Variants in OPA1 observed in about 807,000 individuals in gnomAD.
OPA1 encodes OPA1 mitochondrial dynamin like GTPase.
OPA1 carries 59 observed loss-of-function variants against 152.9 expected under a neutral mutation model. The ratio of observed to expected loss-of-function variants is 0.39; its 90% CI spans 0.31 to 0.48. The LOEUF (loss-of-function observed/expected upper bound fraction) is 0.48, where lower values mean the gene tolerates loss of function less well. Among genes scored for constraint, OPA1 ranks in the 20% least tolerant of loss-of-function variants. OPA1 has a pLI of 0.96. For synonymous variants in OPA1, 400 were observed against 389.9 expected, an observed-to-expected ratio of 1.03 and a Z score of -0.31; for missense variants, 1,008 against 1,216.8, an observed-to-expected ratio of 0.83 and a Z score of 2.55.
intron 6 of OPA1, among the ~76,000 whole-genome samples, chr3:193,621,027 G>A (rs1287591609): frequency 6.6e-6 from 1 of 152,198 alleles, no homozygotes; most frequent in Admixed American, 6.5e-5. Flanking sequence ...TTTTTAACTG[G>A]TTCAGTCTGA....
chr3:193,632,745 C>G (rs896816200), intron 8 of OPA1, among the ~76,000 whole-genome samples: 7 of 152,028 alleles, frequency 4.6e-5, no homozygotes, highest in Non-Finnish European at 8.8e-5. Flanking sequence ...GGTGGTTGTG[C>G]CTGTAGTCCC....
In OPA1 at chr3:193,694,954, C is replaced by G. The variant is rs1722127075; in HGVS notation, c.*354C>G. The G allele has an allele frequency of 6.6e-6, 1 of 152,170 alleles. No homozygotes were observed. Among genetic ancestry groups the G allele is most frequent in the African/African-American group, 2.4e-5 (1 of 41,442 alleles). 9.4% of individuals were successfully genotyped at this position (152,170 alleles called of 1,614,324 possible). On this transcript the variant is annotated 3_prime_UTR_variant, in exon 31 of 31. Transcript: ENST00000361510. ...GGATTAACTGAGGTTGCTCAATGTT[C>G]AGTTTCTTTTCCAGAAATACAATGC...
At chr3:193,609,438 T>C (rs1353965660) in intron 1 of OPA1, among the ~76,000 whole-genome samples, 2 of 152,234 alleles carry the variant, frequency 1.3e-5, no homozygotes, top group Non-Finnish European at 2.9e-5. Flanking sequence ...CCTTTGTGGG[T>C]AACCTGACCT....
At chr3:193,667,111 T>A (rs1716743826) in intron 28 of OPA1, 59 bp from the exon 29 acceptor site, 2 of 817,900 alleles carry the variant, frequency 2.4e-6, no homozygotes, top group Non-Finnish European at 2.2e-6. Flanking sequence ...GTTAATTTTA[T>A]CATCTTTATT....
intron 1 of OPA1, among the ~76,000 whole-genome samples, 162 bp downstream of exon 1, chr3:193,593,571 G>A (rs1029657705): frequency 1.3e-5 from 2 of 152,240 alleles, no homozygotes; most frequent in East Asian, 1.9e-4. Flanking sequence ...CAGGAGCCCT[G>A]GCTGGGCTTA....
At position 193,694,883 on chromosome 3, in the gene OPA1, A is replaced by G. The variant is rs1061648; in HGVS notation, c.*283A>G. On this transcript the variant is annotated 3_prime_UTR_variant, in exon 31 of 31. Coordinates refer to ENST00000361510, the MANE Select transcript of OPA1 (RefSeq NM_130837.3). ...TAGGTTCAGTCCTTGAAGATAAGAA[A>G]CTTGTTCTCTGTTTGTTGTCTTATT... 93,782 of 152,042 alleles carry G rather than the reference A, an allele frequency of 0.62. 29,129 individuals are homozygous for G. The highest frequency in any genetic ancestry group is 0.71 in the East Asian group (3,668 of 5,166). 9.4% of individuals were successfully genotyped at this position (152,042 alleles called of 1,614,324 possible).
intron 7 of OPA1, among the ~76,000 whole-genome samples, chr3:193,629,836 G>A (rs763544790): frequency 6.6e-6 from 1 of 152,016 alleles, no homozygotes; most frequent in Non-Finnish European, 1.5e-5. Flanking sequence ...TATTGCCCCA[G>A]ATGTCAAGTA....
chr3:193,594,488 A>G (rs561877455), intron 1 of OPA1, among the ~76,000 whole-genome samples: 4 of 152,278 alleles, frequency 2.6e-5, no homozygotes, highest in African/African-American at 9.6e-5. Context: ...CCCAGGTTCA[A>G]GCAATTCTCC....
At position 193,643,621 on chromosome 3, in the gene OPA1, A is replaced by G. The variant is rs2109044723; in HGVS notation, c.1471A>G (p.Ile491Val). 6.2e-7 allele frequency: 1 copy of G among 1,610,348 alleles called. No individual in the cohort carries two copies. The highest frequency in any genetic ancestry group is 8.5e-7 in the Non-Finnish European group (1 of 1,176,966). Residue 491 changes from isoleucine to valine, a missense_variant, in exon 15 of 31, where the codon ATT becomes GTT. This residue lies in a region of OPA1 where 213 missense variants were observed against 291.4 expected (regional missense o/e 0.73). Coordinates refer to ENST00000361510, the MANE Select transcript of OPA1 (RefSeq NM_130837.3). ...MQNPNAIILC[I>V]QDGSVDAERS... ...GAATCCTAATGCCATCATACTGTGT[A>G]TTCAAGGTAAATCATATCAAAAGAT...
intron 29 of OPA1, chr3:193,668,768 A>G: frequency 8.1e-7 from 1 of 1,231,260 alleles, no homozygotes. Context: ...GGCCCTACTA[A>G]TAATCACTTT....
At chr3:193,662,001 A>ATAGAG (rs1222967595) in intron 25 of OPA1, among the ~76,000 whole-genome samples, 1 of 152,012 alleles carries the variant, frequency 6.6e-6, no homozygotes, top group East Asian at 1.9e-4. Context: ...CATAGCTGTG[A>ATAGAG]TAGAGTTTGG....
intron 1 of OPA1, among the ~76,000 whole-genome samples, chr3:193,600,004 C>T (rs1384276351): frequency 1.3e-5 from 2 of 152,130 alleles, no homozygotes; most frequent in East Asian, 1.9e-4. Context: ...GAAGTATGGC[C>T]GCTGGGATTG....
chr3:193,673,791 A>C (rs1477818750), intron 29 of OPA1, among the ~76,000 whole-genome samples: 3 of 152,240 alleles, frequency 2.0e-5, no homozygotes, highest in African/African-American at 7.2e-5. Context: ...TATCTCATTT[A>C]CCAATAAAAT....
chr3:193,652,402 A>C (rs1009424247), intron 21 of OPA1, among the ~76,000 whole-genome samples: 3 of 152,212 alleles, frequency 2.0e-5, no homozygotes, highest in Non-Finnish European at 4.4e-5. Flanking sequence ...AACAAAAAAA[A>C]AAAACCATAG....
intron 29 of OPA1, among the ~76,000 whole-genome samples, chr3:193,678,211 T>C (rs1719504209): frequency 6.6e-6 from 1 of 152,236 alleles, no homozygotes; most frequent in Admixed American, 6.5e-5. Context: ...AGCCATTTTA[T>C]CTTTAGTCTC....
At chr3:193,649,587 C>T (rs1457769005) in intron 21 of OPA1, among the ~76,000 whole-genome samples, 1 of 152,126 alleles carries the variant, frequency 6.6e-6, no homozygotes, top group African/African-American at 2.4e-5. Flanking sequence ...CAGAGCTATC[C>T]TCACTGCCAT....
chr3:193,682,903 C>G (rs1332250925), intron 29 of OPA1, among the ~76,000 whole-genome samples: 4 of 152,070 alleles, frequency 2.6e-5, no homozygotes, highest in African/African-American at 9.7e-5. Context: ...GGAATACTTT[C>G]AACCTTGAAG....
intron 6 of OPA1, among the ~76,000 whole-genome samples, chr3:193,620,742 T>C (rs1053199473): frequency 6.6e-6 from 1 of 152,190 alleles, no homozygotes; most frequent in African/African-American, 2.4e-5. Flanking sequence ...CAAAAATGTG[T>C]CTCAAGCCCC....
chr3:193,666,386 G>A lies in OPA1; in HGVS notation c.2869G>A (p.Glu957Lys), dbSNP rs921531106. The part of the protein sequence containing the change: ...NTLRQQLTNT[E>K]VRRLEKNVKE... ...TTTAAGGCAACAACTTACAAATACT[G>A]AAGGTAAGCCACATAGGGACTGCAG... The change falls in exon 28 of 31, where the codon GAA (glutamate) becomes AAA (lysine). Residue 957 changes from glutamate (E) to lysine (K), a missense_variant. Around this residue, in one of 7 missense-constraint regions of OPA1, gnomAD observed 137 missense variants for 171.0 expected, o/e 0.80. Coordinates refer to ENST00000361510, the MANE Select transcript of OPA1 (RefSeq NM_130837.3). 1 of 1,611,630 alleles carries A rather than the reference G, an allele frequency of 6.2e-7. No individual in the cohort carries two copies. The highest frequency in any genetic ancestry group is 8.5e-7 in the Non-Finnish European group (1 of 1,177,874).
Sources: gnomAD v4.1 joint callset for allele counts (sites outside exome capture counted in the v4.1 genomes callset) on GRCh38, gnomAD v4.1.1 for gene constraint, gnomAD v4.1.1 regional missense constraint, MANE v1.5 for transcripts, NCBI Gene and HGNC (gene_info 2026-07-23, HGNC 2026-07-21) for gene names.